The following MARCHF1 variants were observed in gnomAD, a reference collection of about 807,000 sequenced individuals.
MARCHF1 encodes the protein membrane associated ring-CH-type finger 1, also known as E3 ubiquitin-protein ligase MARCHF1.
In MARCHF1, 40 loss-of-function variants were observed where a neutral mutation model predicts 54.2. The ratio of observed to expected loss-of-function variants is 0.74; its 90% CI spans 0.57 to 0.96. The LOEUF (loss-of-function observed/expected upper bound fraction) is 0.96, where lower values mean the gene tolerates loss of function less well. MARCHF1 is among the 40% of genes least tolerant of loss of function. The probability of loss-of-function intolerance (pLI) is 0.00; values close to 1 mark genes in which losing one functional copy is unlikely to be tolerated. For synonymous variants in MARCHF1, 236 were observed against 236.3 expected, an observed-to-expected ratio of 1.00 and a Z score of 0.01; for missense variants, 586 against 656.5, an observed-to-expected ratio of 0.89 and a Z score of 1.17.
chr4:163,691,990 T>C (rs1296434985), intron 5 of MARCHF1, among the ~76,000 whole-genome samples: 1 of 152,156 alleles, frequency 6.6e-6, no homozygotes, highest in African/African-American at 2.4e-5. Flanking sequence ...CTGCTTTTCC[T>C]CAAGAGAGGG....
At chr4:163,662,012 T>G (rs544009353) in intron 5 of MARCHF1, among the ~76,000 whole-genome samples, 1 of 152,214 alleles carries the variant, frequency 6.6e-6, no homozygotes, top group Admixed American at 6.5e-5. Flanking sequence ...AAAAAACAAT[T>G]CCAGGGTTAT....
chr4:164,273,838 G>C (rs1296906768), intron 1 of MARCHF1, among the ~76,000 whole-genome samples: 1 of 152,120 alleles, frequency 6.6e-6, no homozygotes, highest in Admixed American at 6.5e-5. Context: ...CTTATTCATA[G>C]ATGCAAACCA....
chr4:163,668,663 G>A (rs1046601567), intron 5 of MARCHF1, among the ~76,000 whole-genome samples: 6 of 152,162 alleles, frequency 3.9e-5, no homozygotes, highest in African/African-American at 1.4e-4. Flanking sequence ...TAAAGAGCTG[G>A]GTGGTGAGAC....
intron 1 of MARCHF1, among the ~76,000 whole-genome samples, chr4:164,146,534 C>A (rs1355143016): frequency 6.6e-6 from 1 of 152,146 alleles, no homozygotes; most frequent in Admixed American, 6.5e-5. Context: ...CTACAAGTAT[C>A]TGATCTTTGA....
intron 2 of MARCHF1, among the ~76,000 whole-genome samples, chr4:164,045,707 G>A (rs148168489): frequency 1.2e-3 from 168 of 142,118 alleles, no homozygotes; most frequent in African/African-American, 2.6e-3. Context: ...AAAATACACC[G>A]TTCTAACAGA....
In MARCHF1 at chr4:164,102,646, G is replaced by T. The variant is rs1005274813; in HGVS notation, c.-248+8942C>A. ...ACATGGAAAGGAACAACCGGCACCA[G>T]CCGCTGCAAAATCATGCCAAAATGT... On this transcript the variant is annotated intron_variant, in intron 2 of 9. Transcript: ENST00000514618. 2.8e-3 allele frequency among the ~76,000 whole-genome samples: 432 copies of T among 151,774 alleles called. 4 individuals are homozygous for T. The highest frequency in any genetic ancestry group is 9.6e-3 in the African/African-American group (396 of 41,396).
chr4:163,558,511 G>A (rs1446903766), intron 8 of MARCHF1, among the ~76,000 whole-genome samples: 1 of 152,142 alleles, frequency 6.6e-6, no homozygotes, highest in African/African-American at 2.4e-5. Flanking sequence ...TGAAGTGACT[G>A]GATTTAGGGA....
intron 1 of MARCHF1, among the ~76,000 whole-genome samples, chr4:164,235,774 G>C (rs1165374557): frequency 2.0e-5 from 3 of 151,902 alleles, no homozygotes; most frequent in Admixed American, 6.6e-5. Flanking sequence ...AAAAAAACCA[G>C]TACACATTAG....
intron 8 of MARCHF1, among the ~76,000 whole-genome samples, chr4:163,575,168 G>T (rs1739994350): frequency 6.6e-6 from 1 of 151,956 alleles, no homozygotes; most frequent in Non-Finnish European, 1.5e-5. Flanking sequence ...GGTTTGTAGG[G>T]CTCTTTAGAT....
At chr4:164,210,877 T>A (rs1371917374) in intron 1 of MARCHF1, among the ~76,000 whole-genome samples, 3 of 152,140 alleles carry the variant, frequency 2.0e-5, no homozygotes, top group African/African-American at 7.2e-5. Context: ...TCTGCCTTTA[T>A]AAAGAAAGAA....
At chr4:163,549,804 T>C (rs116545956) in intron 8 of MARCHF1, among the ~76,000 whole-genome samples, 1,636 of 152,216 alleles carry the variant, frequency 0.011, 25 homozygotes, top group African/African-American at 0.036. Context: ...GATGCAAACA[T>C]TGTTTCTGTG....
intron 1 of MARCHF1, among the ~76,000 whole-genome samples, chr4:164,200,328 G>T (rs72987750): frequency 6.6e-5 from 10 of 152,248 alleles, no homozygotes; most frequent in African/African-American, 2.4e-4. Flanking sequence ...CAAGGATGGC[G>T]TCAGTCCTAA....
At chr4:164,270,668 C>A (rs1733723843) in intron 1 of MARCHF1, among the ~76,000 whole-genome samples, 1 of 152,168 alleles carries the variant, frequency 6.6e-6, no homozygotes, top group African/African-American at 2.4e-5. Context: ...ACATCACCAC[C>A]ACAATAATGG....
At chr4:163,576,789 A>T (rs1740053574) in intron 8 of MARCHF1, among the ~76,000 whole-genome samples, 1 of 151,152 alleles carries the variant, frequency 6.6e-6, no homozygotes, top group Non-Finnish European at 1.5e-5. Context: ...ACTCTTTATT[A>T]TTATGTAATA....
At chr4:163,842,635 T>C (rs1026038490) in intron 4 of MARCHF1, among the ~76,000 whole-genome samples, 51 of 152,130 alleles carry the variant, frequency 3.4e-4, no homozygotes, top group African/African-American at 1.2e-3. Flanking sequence ...GTGGTGGGGA[T>C]TAAATGAGTT....
chr4:164,242,854 G>C (rs1290352020), intron 1 of MARCHF1, among the ~76,000 whole-genome samples: 1 of 150,024 alleles, frequency 6.7e-6, no homozygotes, highest in Non-Finnish European at 1.5e-5. Context: ...GAGCCGATGC[G>C]ATCAACTGGA....
chr4:164,078,407 T>C (rs1755023612), intron 2 of MARCHF1, among the ~76,000 whole-genome samples: 1 of 152,044 alleles, frequency 6.6e-6, no homozygotes, highest in South Asian at 2.1e-4. Flanking sequence ...AGGATAGCAT[T>C]AGGAGAAATA....
intron 3 of MARCHF1, among the ~76,000 whole-genome samples, chr4:163,984,024 C>T (rs1371989481): frequency 6.6e-6 from 1 of 151,284 alleles, no homozygotes. Flanking sequence ...ATAAATAAAT[C>T]AGTAACTTGT....
intron 2 of MARCHF1, among the ~76,000 whole-genome samples, chr4:164,110,192 G>A (rs1755805355): frequency 6.6e-6 from 1 of 150,958 alleles, no homozygotes; most frequent in Non-Finnish European, 1.5e-5. Context: ...AACAAATTGA[G>A]AATTGATTCT....
Sources: gnomAD v4.1 joint callset for allele counts (sites outside exome capture counted in the v4.1 genomes callset) on GRCh38, gnomAD v4.1.1 for gene constraint, MANE v1.5 for transcripts, NCBI Gene and HGNC (gene_info 2026-07-23, HGNC 2026-07-21) for gene names.